Variants in DNM3 observed in about 807,000 individuals in gnomAD.
DNM3 encodes dynamin 3, also known as dynamin-3.
DNM3 carries 47 observed loss-of-function variants against 101.6 expected under a neutral mutation model. That is an observed-to-expected ratio of 0.46 (90% CI 0.37 to 0.59). The LOEUF is 0.59. Ranked by LOEUF, DNM3 falls within the 20% of genes least tolerant of loss-of-function variation. The pLI is 0.00. For missense variants in DNM3, 849 were observed against 1,085.7 expected (o/e 0.78, Z 3.06); for synonymous variants, 385 against 387.9 (o/e 0.99, Z 0.09).
intron 14 of DNM3, among the ~76,000 whole-genome samples, chr1:172,197,479 A>G (rs1288054487): frequency 6.6e-6 from 1 of 152,144 alleles, no homozygotes; most frequent in Admixed American, 6.6e-5. Flanking sequence ...ATAGCATTGA[A>G]TCTGTAAATT....
At chr1:172,344,840 G>A (rs2066859029) in intron 17 of DNM3, among the ~76,000 whole-genome samples, 2 of 152,152 alleles carry the variant, frequency 1.3e-5, no homozygotes, top group African/African-American at 2.4e-5. Flanking sequence ...AAGAAAAATA[G>A]CCATCAGAAT....
chr1:172,074,213 G>A (rs1294199166), intron 11 of DNM3, among the ~76,000 whole-genome samples: 1 of 151,886 alleles, frequency 6.6e-6, no homozygotes, highest in Non-Finnish European at 1.5e-5. Context: ...AATAAGGCAG[G>A]GTAACACAAT....
Position 172,144,652 on chromosome 1 carries a change from A to G in DNM3, c.1659+13364A>G, listed in dbSNP as rs368647987. 2.5e-3 allele frequency: 1,345 copies of G among 530,984 alleles called. 1 individual carries two copies. The highest frequency in any genetic ancestry group is 3.3e-3 in the Non-Finnish European group (849 of 258,688). 32.9% of individuals were successfully genotyped at this position (530,984 alleles called of 1,614,324 possible). ...GATCTCCAGAAGCTTCCTTCTATGTACTTAAAATCCTCTCCCGGTCCTCAG... is the reference window on the plus strand; with the variant it reads ...GATCTCCAGAAGCTTCCTTCTATGTGCTTAAAATCCTCTCCCGGTCCTCAG... On this transcript the variant is annotated intron_variant, in intron 14 of 20. Transcript: ENST00000627582.
At chr1:172,302,323 T>C (rs964352251) in intron 15 of DNM3, among the ~76,000 whole-genome samples, 3 of 151,944 alleles carry the variant, frequency 2.0e-5, no homozygotes, top group Non-Finnish European at 2.9e-5. Context: ...GGGGGAGGGG[T>C]GTCCCCCATT....
intron 16 of DNM3, chr1:172,309,046 A>G (rs2064970264): frequency 4.6e-6 from 2 of 433,734 alleles, no homozygotes; most frequent in Non-Finnish European, 8.1e-6. Context: ...GTTAAACAAT[A>G]TATTTGTTAA....
At chr1:172,327,482 A>G (rs890044486) in intron 17 of DNM3, among the ~76,000 whole-genome samples, 1 of 152,182 alleles carries the variant, frequency 6.6e-6, no homozygotes, top group Non-Finnish European at 1.5e-5. Context: ...CTGAAAACTC[A>G]TCCTCACAAT....
chr1:171,903,090 C>T (rs6425474), intron 1 of DNM3, among the ~76,000 whole-genome samples: 1 of 151,670 alleles, frequency 6.6e-6, no homozygotes, highest in South Asian at 2.1e-4. Context: ...AGGAGGTCAA[C>T]GCTGAGGTAA....
intron 13 of DNM3, among the ~76,000 whole-genome samples, chr1:172,123,685 A>G (rs1038065803): frequency 6.6e-6 from 1 of 152,176 alleles, no homozygotes; most frequent in Non-Finnish European, 1.5e-5. Context: ...CTTTTTGTCC[A>G]TCCAGATCAA....
chr1:172,070,917 C>G (rs932650064), intron 11 of DNM3, among the ~76,000 whole-genome samples: 1 of 150,940 alleles, frequency 6.6e-6, no homozygotes, highest in African/African-American at 2.4e-5. Context: ...GTGAAACCCT[C>G]TCTCTACAAA....
At chr1:171,957,824 C>T (rs558530317) in intron 2 of DNM3, among the ~76,000 whole-genome samples, 1 of 152,304 alleles carries the variant, frequency 6.6e-6, no homozygotes, top group South Asian at 2.1e-4. Context: ...CAAAGCCATT[C>T]AACAAGTCGC....
intron 17 of DNM3, among the ~76,000 whole-genome samples, chr1:172,359,754 G>C (rs2067647296): frequency 6.6e-6 from 1 of 152,006 alleles, no homozygotes; most frequent in Admixed American, 6.6e-5. Context: ...TTATGACTGG[G>C]AAGGACTATT....
chr1:172,204,138 A>G (rs2060247944), intron 14 of DNM3, among the ~76,000 whole-genome samples: 1 of 152,148 alleles, frequency 6.6e-6, no homozygotes, highest in Non-Finnish European at 1.5e-5. Flanking sequence ...TCTTCTGTAT[A>G]ATTGAGCCAT....
chr1:172,314,039 T>C (rs2065199883), intron 16 of DNM3, among the ~76,000 whole-genome samples: 1 of 149,554 alleles, frequency 6.7e-6, no homozygotes, highest in African/African-American at 2.5e-5. Flanking sequence ...CATTGTGGAA[T>C]GTAGTGTGGC....
chr1:171,846,657 C>G (rs2032152440), intron 1 of DNM3, among the ~76,000 whole-genome samples: 1 of 152,070 alleles, frequency 6.6e-6, no homozygotes, highest in Admixed American at 6.6e-5. Context: ...CTACCAGAGC[C>G]AAGTCAAGAG....
At chr1:171,860,609 A>G (rs973296478) in intron 1 of DNM3, among the ~76,000 whole-genome samples, 2 of 152,124 alleles carry the variant, frequency 1.3e-5, no homozygotes, top group African/African-American at 4.8e-5. Context: ...CTTGCATTGC[A>G]CTAGATGCTG....
chr1:172,342,887 TAC>T (rs967853919), intron 17 of DNM3, among the ~76,000 whole-genome samples: 5 of 152,222 alleles, frequency 3.3e-5, no homozygotes, highest in Non-Finnish European at 5.9e-5. Context: ...CTTTTTTTCT[TAC>T]CTTTTTTGAG....
At chr1:172,009,734 A>T (rs978992170) in intron 4 of DNM3, among the ~76,000 whole-genome samples, 4 of 151,368 alleles carry the variant, frequency 2.6e-5, no homozygotes, top group Non-Finnish European at 4.4e-5. Context: ...CATTTATTTC[A>T]GTAGTCTCTG....
chr1:172,283,215 T>C (rs1332422575), intron 15 of DNM3, among the ~76,000 whole-genome samples: 3 of 152,216 alleles, frequency 2.0e-5, no homozygotes, highest in African/African-American at 7.2e-5. Context: ...TGCTGTCATC[T>C]TGCAGATATC....
rs536005309 is a variant in DNM3 at position 172,300,297 on chromosome 1, T to C, written c.1770-8431T>C. On this transcript the variant is annotated intron_variant, in intron 15 of 20. Transcript: ENST00000627582. ...AAATTCTGGATATTAGACCTTTGTT[T>C]GATGCATAATTTGTAAATATTTTCT... Among the ~76,000 whole-genome samples the C allele has an allele frequency of 6.6e-4, 100 of 152,292 alleles. No individual in the cohort carries two copies. The South Asian group carries it at 0.02, about 30-fold the overall frequency.
Sources: gnomAD v4.1 joint callset for allele counts (sites outside exome capture counted in the v4.1 genomes callset) on GRCh38, gnomAD v4.1.1 for gene constraint, MANE v1.5 for transcripts, NCBI Gene and HGNC (gene_info 2026-07-23, HGNC 2026-07-21) for gene names.